ERBB2: variants seen among roughly 807,000 people sequenced by gnomAD.
ERBB2 encodes the protein receptor tyrosine-protein kinase erbB-2.
ERBB2 carries 61 observed loss-of-function variants against 149.0 expected under a neutral mutation model. That is an observed-to-expected ratio of 0.41 (90% CI 0.33 to 0.51). ERBB2 has a LOEUF of 0.51. Among genes scored for constraint, ERBB2 ranks in the 20% least tolerant of loss-of-function variants. ERBB2 has a pLI of 0.25. For synonymous variants in ERBB2, 633 were observed against 678.8 expected (o/e 0.93, Z 1.05); for missense variants, 1,205 against 1,655.1 (o/e 0.73, Z 4.72).
intron 1 of ERBB2, among the ~76,000 whole-genome samples, chr17:39,704,238 G>A (rs912787213): frequency 1.4e-4 from 22 of 152,128 alleles, no homozygotes; most frequent in Non-Finnish European, 3.1e-4. Flanking sequence ...GCAGGGTCCT[G>A]GAGACAAGGA....
rs1283982984 is a variant in ERBB2, at chr17:39,724,753, T to A, written c.2335T>A (p.Ser779Thr). ...DEAYVMAGVG[S>T]PYVSRLLGIC... ...AGCATACGTGATGGCTGGTGTGGGCTCCCCATATGTCTCCCGCCTTCTGGG... is the reference window on the plus strand; with the variant it reads ...AGCATACGTGATGGCTGGTGTGGGCACCCCATATGTCTCCCGCCTTCTGGG... The change falls in exon 20 of 27, where the codon TCC becomes ACC. Residue 779 changes from serine to threonine, a missense_variant. Around this residue, in one of 6 missense-constraint regions of ERBB2, gnomAD observed 152 missense variants for 318.1 expected, o/e 0.48. Transcript: ENST00000269571. 9.3e-6 allele frequency: 15 copies of A among 1,614,140 alleles called. No homozygotes were observed. The highest frequency in any genetic ancestry group is 1.2e-5 in the Non-Finnish European group (14 of 1,180,024).
At chr17:39,708,077 C>T in intron 2 of ERBB2, 1 of 453,536 alleles carries the variant, frequency 2.2e-6, no homozygotes, top group South Asian at 3.9e-5. Flanking sequence ...ACAGAGAGGG[C>T]AGGGCACCTG....
In ERBB2 at chr17:39,712,413, T is replaced by G; in HGVS notation, c.1113T>G (p.Phe371Leu). ...AGTTTGCTGGCTGCAAGAAGATCTTTGGGAGCCTGGCATTTCTGCCGGAGA... is the reference window on the plus strand; with the variant it reads ...AGTTTGCTGGCTGCAAGAAGATCTTGGGGAGCCTGGCATTTCTGCCGGAGA... ...IQEFAGCKKI[F>L]GSLAFLPESF... The change falls in exon 9 of 27, where the codon TTT becomes TTG. Residue 371 changes from phenylalanine to leucine, a missense_variant. This residue lies in a region of ERBB2 where 569 missense variants were observed against 803.5 expected (regional missense o/e 0.71). Transcript: ENST00000269571. 1 of 1,613,988 alleles carries G rather than the reference T, an allele frequency of 6.2e-7. No homozygotes were observed. Among genetic ancestry groups the G allele is most frequent in the South Asian group, 1.1e-5 (1 of 91,022 alleles).
rs762638680 is a variant in ERBB2, at chr17:39,708,359, C to T, written c.264C>T (p.His88=). 1 of 1,614,190 alleles carries T rather than the reference C, an allele frequency of 6.2e-7. No homozygotes were observed. Reference sequence around the variant, plus strand: ...TGCAGGGCTACGTGCTCATCGCTCACAACCAAGTGAGGCAGGTCCCACTGC... The same window carrying T: ...TGCAGGGCTACGTGCTCATCGCTCATAACCAAGTGAGGCAGGTCCCACTGC... ...QEVQGYVLIA[H]NQVRQVPLQR... is the part of the protein sequence containing the mutation. The change falls in exon 3 of 27, where the codon CAC becomes CAT. Residue 88 remains histidine, a synonymous_variant. Transcript: ENST00000269571.
chr17:39,725,166 G>A lies in ERBB2; in HGVS notation c.2611G>A (p.Asp871Asn), dbSNP rs1251500711. ...ITDFGLARLLDIDETEYHADG... is the reference protein window; with the variant it reads ...ITDFGLARLLNIDETEYHADG... The stretch of plus-strand genomic sequence containing the variant: ...AGACTTCGGGCTGGCTCGGCTGCTG[G>A]ACATTGACGAGACAGAGTACCATGC... The change falls in exon 21 of 27, where the codon GAC becomes AAC. Residue 871 changes from aspartate to asparagine, a missense_variant. Transcript: ENST00000269571. This position sits in a 1 kb window ranked among gnomAD's most constrained non-coding sequence, Gnocchi z 4.6. 1.2e-6 allele frequency: 2 copies of A among 1,614,130 alleles called. No homozygotes were observed. The highest frequency in any genetic ancestry group is 1.7e-6 in the Non-Finnish European group (2 of 1,180,042).
At chr17:39,688,761 C>CAGG (rs1262956437) in exon 2 of ERBB2, 12 of 152,390 alleles carry the variant, frequency 7.9e-5, no homozygotes, top group Non-Finnish European at 1.5e-4. Context: ...CTTTGCTGTC[C>CAGG]TGTTCACCAC....
At chr17:39,691,904 T>TAGATATAGATATATATAC (rs1386573320), upstream of ERBB2, among the ~76,000 whole-genome samples, 45 of 114,524 alleles carry the variant, frequency 3.9e-4, no homozygotes, top group African/African-American at 1.4e-3. Flanking sequence ...GATATAGATA[T>TAGATATAGATATATATAC]ATATACATAT....
rs2057996649 is a variant in ERBB2, at chr17:39,700,156, C to T, written c.-83C>T. 1.5e-6 allele frequency: 2 copies of T among 1,329,980 alleles called. No individual in the cohort carries two copies. Among genetic ancestry groups the T allele is most frequent in the South Asian group, 4.2e-5 (2 of 47,728 alleles). 82.4% of individuals were successfully genotyped at this position (1,329,980 alleles called of 1,614,324 possible). ...CCTTTACTGCGCCGCGCGCCCGGCC[C>T]CCACCCCTCGCAGCACCCCGCGCCC... On this transcript the variant is annotated 5_prime_UTR_variant, in exon 1 of 27. Transcript: ENST00000269571.
At chr17:39,716,470 C>A (rs754900619) in intron 13 of ERBB2, 37 bp downstream of exon 13, 1 of 1,613,622 alleles carries the variant, frequency 6.2e-7, no homozygotes, top group Non-Finnish European at 8.5e-7. Flanking sequence ...TGGAGGGGTG[C>A]ATGGGGCTCC....
chr17:39,694,226 AAT>A (rs1417710622), upstream of ERBB2, among the ~76,000 whole-genome samples: 502 of 18,496 alleles, frequency 0.027, 4 homozygotes, highest in East Asian at 0.043. Context: ...AAAAAAAAAA[AAT>A]ATATATATAT....
intron 8 of ERBB2, 31 bp from the exon 9 acceptor site, chr17:39,712,291 G>A (rs985745708): frequency 1.9e-6 from 3 of 1,612,606 alleles, no homozygotes; most frequent in African/African-American, 2.7e-5. Context: ...GGCTGAGACG[G>A]CCCCTTCCCC....
At chr17:39,702,056 A>G (rs192524353) in intron 1 of ERBB2, among the ~76,000 whole-genome samples, 3 of 152,252 alleles carry the variant, frequency 2.0e-5, no homozygotes, top group Admixed American at 2.0e-4. Context: ...CTCACCCCTC[A>G]ACCTGCACTA....
chr17:39,726,015 C>A lies in ERBB2; in HGVS notation c.2872+162C>A. 1 of 675,502 alleles carries A rather than the reference C, an allele frequency of 1.5e-6. No homozygotes were observed. Among genetic ancestry groups the A allele is most frequent in the Non-Finnish European group, 2.5e-6 (1 of 405,576 alleles). The allele number at this position is 675,502 out of a possible 1,614,324, so 41.8% of individuals were successfully genotyped here. A position where few individuals can be genotyped will look rare whatever the true frequency, so the allele number is the denominator to read the frequency against. On this transcript the variant is annotated intron_variant, in intron 23 of 26. Coordinates refer to ENST00000269571, the MANE Select transcript of ERBB2 (RefSeq NM_004448.4). This position sits in a 1 kb window ranked among gnomAD's most constrained non-coding sequence, Gnocchi z 5.1. ...TTGTATCCCTTTTACAGTCAAAGTC[C>A]AAAGCCACTCTTGAGGAACACTCTT...
rs201699948 is a variant in ERBB2, at chr17:39,717,262, C to T, written c.1738-58C>T. 612 of 1,443,330 alleles carry T rather than the reference C, an allele frequency of 4.2e-4. 2 individuals carry two copies. Among genetic ancestry groups the T allele is most frequent in the South Asian group, 2.3e-3 (173 of 74,896 alleles). 89.4% of individuals were successfully genotyped at this position (1,443,330 alleles called of 1,614,324 possible). ...AAGGGGACCCAACTAAGGGCCTGAT[C>T]CTACTGCCCTGGGGGTGTCAGTGCC... On this transcript the variant is annotated intron_variant, in intron 14 of 26. Transcript: ENST00000269571.
chr17:39,718,893 T>A (rs772313733), intron 15 of ERBB2, among the ~76,000 whole-genome samples: 1 of 152,220 alleles, frequency 6.6e-6, no homozygotes, highest in African/African-American at 2.4e-5. Context: ...GGGAATACAG[T>A]GCTGGCAATG....
At chr17:39,697,669 T>C (rs1258053665), upstream of ERBB2, among the ~76,000 whole-genome samples, 1 of 151,694 alleles carries the variant, frequency 6.6e-6, no homozygotes, top group Non-Finnish European at 1.5e-5. Flanking sequence ...CTAGGGTCTT[T>C]TTCTGTTCAA....
chr17:39,718,206 G>A (rs1310994211), intron 15 of ERBB2, among the ~76,000 whole-genome samples: 2 of 152,106 alleles, frequency 1.3e-5, no homozygotes, highest in Non-Finnish European at 2.9e-5. Context: ...GTTTTTCCAT[G>A]TTCTAACATG....
chr17:39,716,999 G>T, intron 14 of ERBB2: 1 of 441,082 alleles, frequency 2.3e-6, no homozygotes, highest in Non-Finnish European at 4.1e-6. Context: ...AACAGGGCTT[G>T]GCACAGTGAA....
In ERBB2 at chr17:39,726,304, G is replaced by T. The variant is rs1347593065; in HGVS notation, c.2873-258G>T. ...GCTATGATTGCACCACTGAAATCCA[G>T]CCTGGGTGACAGAGCGAAACCTCAT... On this transcript the variant is annotated intron_variant, in intron 23 of 26. Transcript: ENST00000269571. This position sits in a 1 kb window ranked among gnomAD's most constrained non-coding sequence, Gnocchi z 5.1. 2.0e-6 allele frequency: 1 copy of T among 512,434 alleles called. No individual in the cohort carries two copies. The highest frequency in any genetic ancestry group is 3.5e-6 in the Non-Finnish European group (1 of 284,668). 31.7% of individuals were successfully genotyped at this position (512,434 alleles called of 1,614,324 possible). A position where few individuals can be genotyped will look rare whatever the true frequency, so the allele number is the denominator to read the frequency against.
Sources: allele counts gnomAD v4.1 joint callset (sites outside exome capture counted in the v4.1 genomes callset), GRCh38; gene constraint gnomAD v4.1.1; regional missense constraint gnomAD v4.1.1; non-coding constraint Gnocchi (gnomAD v3.1); transcripts MANE v1.5; gene names NCBI Gene and HGNC (gene_info 2026-07-23, HGNC 2026-07-21).